Variants in FDFT1 observed in about 807,000 individuals in gnomAD.
FDFT1 encodes farnesyl-diphosphate farnesyltransferase 1, also known as squalene synthase.
A neutral mutation model predicts 46.8 loss-of-function variants in FDFT1; 68 were observed. The ratio of observed to expected loss-of-function variants is 1.45; its 90% CI spans 1.19 to 1.78. FDFT1 has a LOEUF of 1.78. FDFT1 is among the 40% of genes most tolerant of loss of function. The probability of loss-of-function intolerance (pLI) is 0.00; values close to 1 mark genes in which losing one functional copy is unlikely to be tolerated. For synonymous variants in FDFT1, 351 were observed against 185.1 expected, an observed-to-expected ratio of 1.90 and a Z score of -7.28; for missense variants, 928 against 524.4, an observed-to-expected ratio of 1.77 and a Z score of -7.52.
At chr8:11,826,890 C>G (rs985441254) in intron 5 of FDFT1, among the ~76,000 whole-genome samples, 13 of 152,132 alleles carry the variant, frequency 8.5e-5, no homozygotes, top group African/African-American at 2.9e-4. Context: ...AGTTCTCTGG[C>G]CTCGCCTGGA....
At chr8:11,821,944 G>A in intron 4 of FDFT1, 66 bp downstream of exon 4, 4 of 1,570,084 alleles carry the variant, frequency 2.5e-6, no homozygotes, top group Non-Finnish European at 3.5e-6. Flanking sequence ...TCATAGTGAA[G>A]CTCAGAACAA....
intron 3 of FDFT1, among the ~76,000 whole-genome samples, chr8:11,818,704 T>C (rs1163930525): frequency 1.3e-5 from 2 of 151,926 alleles, no homozygotes; most frequent in African/African-American, 4.8e-5. Context: ...TTTTTTCGCT[T>C]GGTAGATCTT....
rs1250949070 is a variant in FDFT1, at chr8:11,823,528, C to T, written c.510+1650C>T. Among the ~76,000 whole-genome samples, 5 of 152,116 alleles carry T rather than the reference C, an allele frequency of 3.3e-5. No homozygotes were observed. In the East Asian group the frequency reaches 9.6e-4, roughly 29 times the overall value. On this transcript the variant is annotated intron_variant, in intron 4 of 7. Transcript: ENST00000220584. ...TTCAAGTGCTTTCTCTTCACCTGTG[C>T]ATTCTTCCCCCTGATTAGTCTCTGG...
At chr8:11,802,678 G>A (rs1330855960), upstream of FDFT1, 3 of 645,924 alleles carry the variant, frequency 4.6e-6, no homozygotes, top group African/African-American at 3.7e-5. Flanking sequence ...GCCGGTTGAA[G>A]TGGGCGGAGC....
chr8:11,826,472 G>A (rs1319631879), intron 5 of FDFT1, among the ~76,000 whole-genome samples: 4 of 152,124 alleles, frequency 2.6e-5, no homozygotes, highest in Non-Finnish European at 5.9e-5. Context: ...CCAAGTGGTG[G>A]ATATGGTAAC....
At chr8:11,817,956 G>A (rs191969954) in intron 3 of FDFT1, among the ~76,000 whole-genome samples, 4 of 152,052 alleles carry the variant, frequency 2.6e-5, no homozygotes, top group African/African-American at 9.7e-5. Flanking sequence ...TGATGTTAAG[G>A]TGTTGTTTTT....
chr8:11,836,149 T>C (rs565023844), intron 7 of FDFT1, among the ~76,000 whole-genome samples: 1 of 72,834 alleles, frequency 1.4e-5, no homozygotes, highest in Admixed American at 1.5e-4. Flanking sequence ...CGAGACACCA[T>C]CTTAAAAAAA....
intron 1 of FDFT1, among the ~76,000 whole-genome samples, chr8:11,806,410 A>G (rs998337858): frequency 2.0e-5 from 3 of 152,222 alleles, no homozygotes; most frequent in Non-Finnish European, 4.4e-5. Flanking sequence ...GGTGATTTGA[A>G]GAAACCTGTT....
At position 11,802,768 on chromosome 8, in the gene FDFT1, G is replaced by T. The variant is rs1364280587; in HGVS notation, c.-65G>T. 7.6e-7 allele frequency: 1 copy of T among 1,307,372 alleles called. No homozygotes were observed. Among genetic ancestry groups the T allele is most frequent in the African/African-American group, 1.5e-5 (1 of 68,244 alleles). The allele number at this position is 1,307,372 out of a possible 1,614,324, so 81.0% of individuals were successfully genotyped here. On this transcript the variant is annotated 5_prime_UTR_variant, in exon 1 of 8. Transcript: ENST00000220584. ...AGCACCTACTCCACAGGTCCAGCCG[G>T]CCGGTGAGCGCCTGGGGACCGCAGA...
chr8:11,836,159 A>AG (rs1357931045), intron 7 of FDFT1, among the ~76,000 whole-genome samples: 1 of 151,290 alleles, frequency 6.6e-6, no homozygotes, highest in Non-Finnish European at 1.5e-5. Context: ...TCTTAAAAAA[A>AG]AAAAAAAATC....
chr8:11,799,546 T>C (rs1288354522), upstream of FDFT1, among the ~76,000 whole-genome samples: 1 of 152,236 alleles, frequency 6.6e-6, no homozygotes, highest in Non-Finnish European at 1.5e-5. Flanking sequence ...GTTTTAATGT[T>C]AATGCCAGCC....
At position 11,838,442 on chromosome 8, in the gene FDFT1, A is replaced by T. The variant is rs759430126; in HGVS notation, c.1087A>T (p.Ile363Phe). The T allele has an allele frequency of 3.1e-6, 5 of 1,610,834 alleles. 1 individual carries two copies. The African/African-American group carries it at 6.7e-5, about 22-fold the overall frequency. Residue 363 changes from isoleucine (I) to phenylalanine (F), a missense_variant, in exon 8 of 8, where the codon ATC (isoleucine) becomes TTC (phenylalanine). Physicochemically the swap from Ile to Phe is conservative, Grantham distance 21. Coordinates refer to ENST00000220584, the MANE Select transcript of FDFT1 (RefSeq NM_004462.5). The part of the protein sequence containing the change: ...DPSSSKTRQI[I>F]STIRTQNLPN... Reference sequence around the variant, plus strand: ...ATCTTCTAGCAAAACAAGGCAGATCATCTCCACCATCCGGACGCAGAATCT... The same window carrying T: ...ATCTTCTAGCAAAACAAGGCAGATCTTCTCCACCATCCGGACGCAGAATCT...
intron 3 of FDFT1, among the ~76,000 whole-genome samples, chr8:11,812,132 G>C (rs1184710784): frequency 6.6e-6 from 1 of 152,136 alleles, no homozygotes; most frequent in South Asian, 2.1e-4. Flanking sequence ...CCCCATTCTA[G>C]GCCCCCTCAC....
intron 7 of FDFT1, among the ~76,000 whole-genome samples, chr8:11,837,300 G>A (rs1359651680): frequency 6.6e-6 from 1 of 152,128 alleles, no homozygotes; most frequent in South Asian, 2.1e-4. Flanking sequence ...GCATGATCTC[G>A]GATCACTGCA....
intron 5 of FDFT1, among the ~76,000 whole-genome samples, chr8:11,827,250 CCAGCCTGAGCAACA>C (rs1810124019): frequency 6.6e-6 from 1 of 152,068 alleles, no homozygotes; most frequent in Non-Finnish European, 1.5e-5. Context: ...GAGTTCAAGA[CCAGCCTGAGCAACA>C]CAGCAAGATA....
At chr8:11,799,586 G>A (rs1447489672), upstream of FDFT1, among the ~76,000 whole-genome samples, 1 of 152,198 alleles carries the variant, frequency 6.6e-6, no homozygotes, top group Non-Finnish European at 1.5e-5. Context: ...AAGGAAGGGG[G>A]TACAATGAGG....
In FDFT1 at chr8:11,838,674, ATGTTG is replaced by A; in HGVS notation, c.*70_*74del. On this transcript the variant is annotated 3_prime_UTR_variant, in exon 8 of 8. Coordinates refer to ENST00000220584, the MANE Select transcript of FDFT1 (RefSeq NM_004462.5). ...ATTTACTTTTTTTCTTTAAGGATGGATGTTGTGTTCTCTTTATTTTTTTCCTACTA... is the reference window on the plus strand; with the variant it reads ...ATTTACTTTTTTTCTTTAAGGATGGATGTTCTCTTTATTTTTTTCCTACTA... 1 of 1,228,424 alleles carries A rather than the reference ATGTTG, an allele frequency of 8.1e-7. No homozygotes were observed. Among genetic ancestry groups the A allele is most frequent in the Admixed American group, 1.7e-5 (1 of 57,998 alleles). The allele number at this position is 1,228,424 out of a possible 1,614,324, so 76.1% of individuals were successfully genotyped here.
intron 3 of FDFT1, among the ~76,000 whole-genome samples, chr8:11,818,247 C>A (rs1380153084): frequency 6.6e-6 from 1 of 152,166 alleles, no homozygotes. Flanking sequence ...AATTTCTGTT[C>A]TTTTACATTT....
intron 5 of FDFT1, among the ~76,000 whole-genome samples, chr8:11,828,304 C>CA (rs1563333598): frequency 6.6e-6 from 1 of 151,390 alleles, no homozygotes. Context: ...AACAAACAAA[C>CA]AACAACAAAA....
Sources: allele counts gnomAD v4.1 joint callset (sites outside exome capture counted in the v4.1 genomes callset), GRCh38; gene constraint gnomAD v4.1.1; transcripts MANE v1.5; gene names NCBI Gene and HGNC (gene_info 2026-07-23, HGNC 2026-07-21).